The following LRMDA variants were observed in gnomAD, a reference collection of about 807,000 sequenced individuals.
LRMDA encodes leucine-rich melanocyte differentiation-associated protein.
LRMDA carries 18 observed loss-of-function variants against 29.8 expected under a neutral mutation model. The observed-to-expected ratio is 0.60, with a 90% confidence interval of 0.42 to 0.90. The LOEUF (loss-of-function observed/expected upper bound fraction) is 0.90, where lower values mean the gene tolerates loss of function less well. LRMDA is among the 40% of genes least tolerant of loss of function. The pLI is 0.00. For missense variants in LRMDA, 273 were observed against 273.9 expected (o/e 1.00, Z 0.02); for synonymous variants, 125 against 109.4 (o/e 1.14, Z -0.89).
chr10:76,171,284 C>T (rs1364427362), intron 5 of LRMDA, among the ~76,000 whole-genome samples: 2 of 152,180 alleles, frequency 1.3e-5, no homozygotes, highest in Non-Finnish European at 2.9e-5. Context: ...TACAGGCATG[C>T]ACCACCATGC....
At chr10:75,751,293 A>T (rs1842965994) in intron 2 of LRMDA, among the ~76,000 whole-genome samples, 2 of 149,020 alleles carry the variant, frequency 1.3e-5, no homozygotes, top group East Asian at 4.1e-4. Flanking sequence ...TCGGCATCAG[A>T]GGGAGACTGT....
At chr10:76,343,863 G>C (rs1841071481) in intron 6 of LRMDA, among the ~76,000 whole-genome samples, 1 of 149,828 alleles carries the variant, frequency 6.7e-6, no homozygotes, top group South Asian at 2.1e-4. Context: ...TGTTGCCTGG[G>C]CTGGAGTGCA....
chr10:76,175,607 G>A (rs1850919672), intron 5 of LRMDA, among the ~76,000 whole-genome samples: 1 of 152,212 alleles, frequency 6.6e-6, no homozygotes, highest in African/African-American at 2.4e-5. Flanking sequence ...CCAGGTAACA[G>A]AGTCACTGAG....
At chr10:76,278,526 A>C (rs1314630836) in intron 5 of LRMDA, among the ~76,000 whole-genome samples, 1 of 152,100 alleles carries the variant, frequency 6.6e-6, no homozygotes, top group African/African-American at 2.4e-5. Context: ...TCTTATCCCG[A>C]CCTTGACACT....
intron 2 of LRMDA, among the ~76,000 whole-genome samples, chr10:75,791,453 A>T (rs1843563713): frequency 1.3e-5 from 2 of 152,234 alleles, no homozygotes; most frequent in South Asian, 4.1e-4. Flanking sequence ...ATCAATAAAT[A>T]CCAAGGGGAA....
intron 6 of LRMDA, among the ~76,000 whole-genome samples, chr10:76,503,912 G>T (rs1265147472): frequency 6.7e-6 from 1 of 150,324 alleles, no homozygotes; most frequent in East Asian, 1.9e-4. Flanking sequence ...TCTAAGTATG[G>T]TGTTGGATTG....
intron 6 of LRMDA, among the ~76,000 whole-genome samples, chr10:76,427,214 T>TG (rs545802871): frequency 6.7e-6 from 1 of 149,562 alleles, no homozygotes; most frequent in Non-Finnish European, 1.5e-5. Context: ...ATTTTCACAA[T>TG]TTTATTCTTC....
chr10:76,007,651 T>G (rs1847696209), intron 2 of LRMDA, among the ~76,000 whole-genome samples: 5 of 152,126 alleles, frequency 3.3e-5, no homozygotes, highest in Admixed American at 3.3e-4. Flanking sequence ...AGAGGACATC[T>G]CCTGGCATCA....
intron 2 of LRMDA, among the ~76,000 whole-genome samples, chr10:75,592,876 C>T (rs1450455230): frequency 1.3e-5 from 2 of 152,186 alleles, no homozygotes; most frequent in Non-Finnish European, 2.9e-5. Context: ...TTGCTTCCCT[C>T]CTGTCCTTTT....
chr10:75,802,615 T>G (rs913829201), intron 2 of LRMDA, among the ~76,000 whole-genome samples: 1 of 148,648 alleles, frequency 6.7e-6, no homozygotes, highest in Non-Finnish European at 1.5e-5. Context: ...GGTAGTGTTG[T>G]TTTTTTTTTC....
chr10:76,324,297 A>G lies in LRMDA; in HGVS notation c.517-104A>G. On this transcript the variant is annotated intron_variant, in intron 5 of 6. Coordinates refer to ENST00000611255, the MANE Select transcript of LRMDA (RefSeq NM_001305581.2). ...CCTAAGAAGTATCTTGGTGAATAAT[A>G]TTTTCTCCAAGCTCAGATCCCAAGG... The G allele has an allele frequency of 3.0e-6, 3 of 985,860 alleles. No homozygotes were observed. In the South Asian group the frequency reaches 4.1e-5, roughly 13 times the overall value. The allele number at this position is 985,860 out of a possible 1,614,324, so 61.1% of individuals were successfully genotyped here.
At chr10:76,439,069 A>G (rs934463923) in intron 6 of LRMDA, among the ~76,000 whole-genome samples, 2 of 152,244 alleles carry the variant, frequency 1.3e-5, no homozygotes, top group Non-Finnish European at 2.9e-5. Context: ...GATTTGTAAA[A>G]TATAAACATG....
At chr10:76,472,687 A>C (rs1463978674) in intron 6 of LRMDA, among the ~76,000 whole-genome samples, 1 of 151,568 alleles carries the variant, frequency 6.6e-6, no homozygotes, top group Non-Finnish European at 1.5e-5. Flanking sequence ...AAAATCAGGA[A>C]TGAAAGAGGG....
intron 5 of LRMDA, among the ~76,000 whole-genome samples, chr10:76,094,528 A>G (rs1849283483): frequency 6.6e-6 from 1 of 152,108 alleles, no homozygotes. Flanking sequence ...ACTATTGCTC[A>G]TTATTATTTT....
At chr10:75,878,718 A>C (rs1239801977) in intron 2 of LRMDA, among the ~76,000 whole-genome samples, 1 of 151,954 alleles carries the variant, frequency 6.6e-6, no homozygotes, top group African/African-American at 2.4e-5. Context: ...CTCACCAGGG[A>C]CCCCACCCTT....
intron 2 of LRMDA, among the ~76,000 whole-genome samples, chr10:75,841,944 A>G (rs1844547777): frequency 1.3e-5 from 2 of 152,056 alleles, no homozygotes; most frequent in Non-Finnish European, 2.9e-5. Context: ...CTGTTTCTTC[A>G]TTGGTAGATG....
rs190966555 is a variant in LRMDA, at chr10:76,085,408, T to C, written c.516+26625T>C. On this transcript the variant is annotated intron_variant, in intron 5 of 6. Coordinates refer to ENST00000611255, the MANE Select transcript of LRMDA (RefSeq NM_001305581.2). ...ATTGTGTTAGGCCAACAGAAATTGG[T>C]AATGCAATCTTGCGCTGTATTTTCC... is the stretch of plus-strand genomic sequence containing the variant. Among the ~76,000 whole-genome samples the C allele has an allele frequency of 9.8e-5, 15 of 152,308 alleles. No homozygotes were observed. In the East Asian group the frequency reaches 2.5e-3, roughly 25 times the overall value.
chr10:76,070,577 G>C (rs1354101993), intron 5 of LRMDA, among the ~76,000 whole-genome samples: 1 of 152,214 alleles, frequency 6.6e-6, no homozygotes, highest in Non-Finnish European at 1.5e-5. Flanking sequence ...TCTCCAGGTA[G>C]AGTCCCATTG....
chr10:76,406,888 T>A (rs1841907983), intron 6 of LRMDA, among the ~76,000 whole-genome samples: 1 of 152,146 alleles, frequency 6.6e-6, no homozygotes, highest in African/African-American at 2.4e-5. Flanking sequence ...TTCAAAGTTT[T>A]AAAAAAACTC....
Sources: allele counts gnomAD v4.1 joint callset (sites outside exome capture counted in the v4.1 genomes callset), GRCh38; gene constraint gnomAD v4.1.1; transcripts MANE v1.5; gene names NCBI Gene and HGNC (gene_info 2026-07-23, HGNC 2026-07-21).